Variants in DIP2C observed in about 807,000 individuals in gnomAD.
The protein encoded by DIP2C is DIP2 acetate--CoA ligase C (putative).
A neutral mutation model predicts 192.4 loss-of-function variants in DIP2C; 33 were observed. The ratio of observed to expected loss-of-function variants is 0.17; its 90% CI spans 0.13 to 0.23. The LOEUF (loss-of-function observed/expected upper bound fraction) is 0.23. Among genes scored for constraint, DIP2C ranks in the 10% least tolerant of loss-of-function variants. DIP2C has a pLI of 1.00. For missense variants in DIP2C, 1,537 were observed against 2,110.1 expected (o/e 0.73, Z 5.32); for synonymous variants, 979 against 864.1 (o/e 1.13, Z -2.33).
chr10:613,680 T>C (rs545466272), intron 1 of DIP2C, among the ~76,000 whole-genome samples: 74 of 152,226 alleles, frequency 4.9e-4, no homozygotes, highest in Non-Finnish European at 8.8e-4. Flanking sequence ...GGCAGATTCC[T>C]GAGAATGGAA....
At chr10:393,808 A>G (rs1289107645) in intron 10 of DIP2C, among the ~76,000 whole-genome samples, 7 of 144,918 alleles carry the variant, frequency 4.8e-5, no homozygotes, top group East Asian at 2.0e-4. Context: ...AAAAAAAAAG[A>G]AAAAGAAAAA....
chr10:442,322 C>T (rs1188424527), intron 3 of DIP2C, among the ~76,000 whole-genome samples: 1 of 152,100 alleles, frequency 6.6e-6, no homozygotes, highest in Non-Finnish European at 1.5e-5. Flanking sequence ...ATCAGCTCAT[C>T]ACACTGCTTG....
chr10:554,425 G>C (rs1848738719), intron 1 of DIP2C, among the ~76,000 whole-genome samples: 1 of 152,222 alleles, frequency 6.6e-6, no homozygotes, highest in African/African-American at 2.4e-5. Context: ...TTTAGATCTT[G>C]CTTGATAAGG....
rs1589565731 is a variant in DIP2C at position 348,575 on chromosome 10, T to C, written c.3231+66A>G. 2.6e-5 allele frequency: 41 copies of C among 1,573,434 alleles called. 1 individual carries two copies. In the South Asian group the frequency reaches 4.3e-4, roughly 17 times the overall value. ...AGCTGCCCCAAGAGATGTCAGAGTC[T>C]GCGCGTTGCAAGCTCCACACTCAGC... is the stretch of plus-strand genomic sequence containing the variant. On this transcript the variant is annotated intron_variant, in intron 26 of 36. Coordinates refer to ENST00000280886, the MANE Select transcript of DIP2C (RefSeq NM_014974.3).
chr10:604,983 C>T (rs1413295822), intron 1 of DIP2C, among the ~76,000 whole-genome samples: 3 of 152,154 alleles, frequency 2.0e-5, no homozygotes, highest in Admixed American at 6.5e-5. Context: ...CATCTACTTC[C>T]GAAAGATCTA....
Position 390,027 on chromosome 10 carries a change from A to G in DIP2C, c.1561T>C (p.Cys521Arg). The G allele has an allele frequency of 6.2e-7, 1 of 1,614,086 alleles. No homozygotes were observed. Among genetic ancestry groups the G allele is most frequent in the Non-Finnish European group, 8.5e-7 (1 of 1,179,970 alleles). The change falls in exon 13 of 37, where the codon TGC (cysteine) becomes CGC (arginine). Residue 521 changes from cysteine (C) to arginine (R), a missense_variant. Transcript: ENST00000280886. ...CCACACGCCTGCGTCAGGGCCTGGC[A>G]GTGTGTCAGCAGCGCAGTCCTCGTC... ...TVTRTALLTHCQALTQACGYT... is the reference protein window; with the variant it reads ...TVTRTALLTHRQALTQACGYT...
At chr10:579,785 C>T (rs1006828097) in intron 1 of DIP2C, among the ~76,000 whole-genome samples, 1 of 151,854 alleles carries the variant, frequency 6.6e-6, no homozygotes, top group Non-Finnish European at 1.5e-5. Context: ...CATCCATATC[C>T]ATATAGCATA....
At chr10:377,517 G>C (rs867701897) in intron 17 of DIP2C, among the ~76,000 whole-genome samples, 3 of 152,210 alleles carry the variant, frequency 2.0e-5, no homozygotes, top group Non-Finnish European at 2.9e-5. Flanking sequence ...TGTAGTTAGA[G>C]AATTGCAAAA....
intron 7 of DIP2C, among the ~76,000 whole-genome samples, chr10:414,747 A>ATAATGTG (rs1554848040): frequency 1.6e-4 from 19 of 119,968 alleles, no homozygotes; most frequent in African/African-American, 5.1e-4. Context: ...GTGTACATAT[A>ATAATGTG]TATATATATA....
chr10:671,411 G>A (rs1454678822), intron 1 of DIP2C, among the ~76,000 whole-genome samples: 3 of 133,568 alleles, frequency 2.2e-5, no homozygotes, highest in African/African-American at 8.7e-5. Context: ...CGTCACAGAC[G>A]CACGGACGGA....
rs903715126 is a variant in DIP2C at position 557,575 on chromosome 10, C to T, written c.86-71045G>A. On this transcript the variant is annotated intron_variant, in intron 1 of 36. Transcript: ENST00000280886. ...CAGGACCCCCTTTTCTTCACAAAGT[C>T]GTTACAAGCTCACAATACCAAGTGA... Among the ~76,000 whole-genome samples, 7 of 146,842 alleles carry T rather than the reference C, an allele frequency of 4.8e-5. No individual in the cohort carries two copies. The East Asian group carries it at 1.4e-3, about 29-fold the overall frequency.
intron 32 of DIP2C, among the ~76,000 whole-genome samples, chr10:295,101 CTT>C (rs200972750): frequency 6.7e-6 from 1 of 149,700 alleles, no homozygotes; most frequent in Non-Finnish European, 1.5e-5. Flanking sequence ...AAGTGGAAGT[CTT>C]TTTTTTTTCT....
chr10:365,021 G>A (rs745759713), intron 19 of DIP2C: 2 of 531,608 alleles, frequency 3.8e-6, no homozygotes, highest in South Asian at 2.8e-5. Context: ...TTGGAAGTAT[G>A]CTGAAAAGAA....
At chr10:452,794 T>C (rs1272420198) in intron 3 of DIP2C, among the ~76,000 whole-genome samples, 2 of 152,178 alleles carry the variant, frequency 1.3e-5, no homozygotes, top group African/African-American at 4.8e-5. Flanking sequence ...AAAGGCCGCA[T>C]GTCCACTGGC....
At position 414,749 on chromosome 10, in the gene DIP2C, ATATATATAATGTG is replaced by A. The variant is rs1271645340; in HGVS notation, c.860-652_860-640del. Among the ~76,000 whole-genome samples, 8 of 132,600 alleles carry A rather than the reference ATATATATAATGTG, an allele frequency of 6.0e-5. 1 individual carries two copies. The highest frequency in any genetic ancestry group is 1.3e-4 in the Non-Finnish European group (8 of 62,590). The allele number at this position is 132,600 out of a possible 152,430, so 87.0% of individuals were successfully genotyped here. A position where few individuals can be genotyped will look rare whatever the true frequency, so the allele number is the denominator to read the frequency against. ...TGTGTGTGTGTGTGTGTACATATAT[ATATATATAATGTG>A]TATATATATAATGTGTATATATATA... On this transcript the variant is annotated intron_variant, in intron 7 of 36. Coordinates refer to ENST00000280886, the MANE Select transcript of DIP2C (RefSeq NM_014974.3).
At chr10:608,865 A>G (rs961249801) in intron 1 of DIP2C, among the ~76,000 whole-genome samples, 2 of 151,556 alleles carry the variant, frequency 1.3e-5, no homozygotes, top group South Asian at 4.2e-4. Context: ...GAGTCAGCAT[A>G]TAAAAGATCT....
chr10:274,539 T>G lies in DIP2C; in HGVS notation c.*2786A>C, dbSNP rs1954418563. 1 of 152,256 alleles carries G rather than the reference T, an allele frequency of 6.6e-6. No homozygotes were observed. Among genetic ancestry groups the G allele is most frequent in the South Asian group, 2.1e-4 (1 of 4,832 alleles). 9.4% of individuals were successfully genotyped at this position (152,256 alleles called of 1,614,324 possible). On this transcript the variant is annotated 3_prime_UTR_variant, in exon 37 of 37. Coordinates refer to ENST00000280886, the MANE Select transcript of DIP2C (RefSeq NM_014974.3). The stretch of plus-strand genomic sequence containing the variant: ...GTTATCACAGATGTACAAAGCGTAC[T>G]GGTGGTTTAACATACAAGAAGGTTG...
chr10:589,405 G>C (rs1464559870), intron 1 of DIP2C, among the ~76,000 whole-genome samples: 4 of 152,120 alleles, frequency 2.6e-5, no homozygotes, highest in Admixed American at 2.6e-4. Context: ...TCTAACCCTA[G>C]GTCAAGACCC....
intron 1 of DIP2C, among the ~76,000 whole-genome samples, chr10:528,025 G>A (rs1246705322): frequency 6.6e-6 from 1 of 152,168 alleles, no homozygotes; most frequent in Non-Finnish European, 1.5e-5. Context: ...CCCAACCACA[G>A]CAAGGACAGT....
Sources: allele counts gnomAD v4.1 joint callset (sites outside exome capture counted in the v4.1 genomes callset), GRCh38; gene constraint gnomAD v4.1.1; transcripts MANE v1.5; gene names NCBI Gene and HGNC (gene_info 2026-07-23, HGNC 2026-07-21).